The following EML6 variants were observed in gnomAD, a reference collection of about 807,000 sequenced individuals.
EML6 encodes EMAP like 6, also known as echinoderm microtubule-associated protein-like 6.
A neutral mutation model predicts 240.1 loss-of-function variants in EML6; 154 were observed. The observed-to-expected ratio is 0.64, with a 90% CI of 0.56 to 0.73. The LOEUF is 0.73. EML6 is among the 30% of genes least tolerant of loss of function. The pLI, the probability that EML6 is intolerant of heterozygous loss-of-function variation, is 0.00. For synonymous variants in EML6, 1,148 were observed against 899.0 expected (o/e 1.28, Z -4.95); for missense variants, 2,964 against 2,474.6 (o/e 1.20, Z -4.20).
chr2:54,894,037 A>G (rs1481958949), intron 19 of EML6, among the ~76,000 whole-genome samples: 1 of 152,152 alleles, frequency 6.6e-6, no homozygotes, highest in Non-Finnish European at 1.5e-5. Context: ...AATATATTGC[A>G]TTTTAATTTA....
intron 32 of EML6, among the ~76,000 whole-genome samples, chr2:54,954,605 T>A (rs1230466887): frequency 1.7e-5 from 2 of 114,882 alleles, no homozygotes; most frequent in African/African-American, 9.4e-5. Context: ...AACATTTAAA[T>A]TTTTTTTTTA....
chr2:54,761,949 C>T (rs575256919), intron 2 of EML6, among the ~76,000 whole-genome samples: 139 of 152,022 alleles, frequency 9.1e-4, no homozygotes, highest in Non-Finnish European at 1.2e-3. Flanking sequence ...TAAGGATAGT[C>T]ACTTGTATAA....
chr2:54,725,390 T>G lies in EML6; in HGVS notation c.197+132T>G, dbSNP rs768656103. ...TCTCTCTGGAGCCGCATGGAATTAC[T>G]GAAGGGCTGCTGATTCTAGGGCCAG... On this transcript the variant is annotated intron_variant, in intron 2 of 41. Transcript: ENST00000356458. This position sits in a 1 kb window ranked among gnomAD's most constrained non-coding sequence, Gnocchi z 4.3. 1.3e-5 allele frequency: 8 copies of G among 631,542 alleles called. No homozygotes were observed. Among genetic ancestry groups the G allele is most frequent in the Non-Finnish European group, 2.0e-5 (8 of 403,810 alleles). The allele number at this position is 631,542 out of a possible 1,614,324, so 39.1% of individuals were successfully genotyped here.
At chr2:54,829,319 G>C (rs1265919044) in intron 6 of EML6, 23 bp from the exon 7 acceptor site, 1 of 1,550,178 alleles carries the variant, frequency 6.5e-7, no homozygotes, top group Admixed American at 2.0e-5. Flanking sequence ...GCACCATTGA[G>C]TATTACCTGT....
At chr2:54,778,138 T>C (rs1668678791) in intron 2 of EML6, among the ~76,000 whole-genome samples, 1 of 152,224 alleles carries the variant, frequency 6.6e-6, no homozygotes, top group African/African-American at 2.4e-5. Context: ...TCCATTTATA[T>C]GTATCTGTGA....
At chr2:54,961,080 C>T (rs1455454456) in intron 35 of EML6, among the ~76,000 whole-genome samples, 1 of 151,338 alleles carries the variant, frequency 6.6e-6, no homozygotes, top group Non-Finnish European at 1.5e-5. Context: ...TGATTCAAAA[C>T]TGGGGATTTT....
At chr2:54,733,155 G>A (rs538935330) in intron 2 of EML6, among the ~76,000 whole-genome samples, 6 of 152,228 alleles carry the variant, frequency 3.9e-5, no homozygotes, top group African/African-American at 1.4e-4. Flanking sequence ...GGAGCAGCAG[G>A]CCAGCCTACC....
intron 2 of EML6, among the ~76,000 whole-genome samples, chr2:54,812,991 C>G (rs186004562): frequency 9.9e-5 from 15 of 152,258 alleles, no homozygotes; most frequent in Non-Finnish European, 4.4e-5. Context: ...CACAACAGCA[C>G]CTAATTTTCA....
At chr2:54,847,100 G>T (rs762789620) in intron 8 of EML6, among the ~76,000 whole-genome samples, 2 of 151,394 alleles carry the variant, frequency 1.3e-5, no homozygotes, top group African/African-American at 2.4e-5. Context: ...TAGAGTCTGT[G>T]TCTCATTATA....
intron 2 of EML6, among the ~76,000 whole-genome samples, chr2:54,740,710 C>CTTTTT (rs35968988): frequency 6.8e-6 from 1 of 147,918 alleles, no homozygotes. Flanking sequence ...GACTCTAGCT[C>CTTTTT]TTTTTTTTTT....
Position 54,968,714 on chromosome 2 carries a change from T to C in EML6, c.5798T>C (p.Ile1933Thr). 6.4e-7 allele frequency: 1 copy of C among 1,551,424 alleles called. No individual in the cohort carries two copies. Among genetic ancestry groups the C allele is most frequent in the Non-Finnish European group, 8.7e-7 (1 of 1,146,730 alleles). ...GGTCACTCGGCTCACGTGACGAACA[T>C]CCGTTTCTCTTATGATGACAAGTAT... ...YFGHSAHVTNIRFSYDDKYVV... is the reference protein window; with the variant it reads ...YFGHSAHVTNTRFSYDDKYVV... The change falls in exon 41 of 42, where the codon ATC becomes ACC. Residue 1933 changes from isoleucine to threonine, a missense_variant. Coordinates refer to ENST00000356458, the MANE Select transcript of EML6 (RefSeq NM_001039753.4).
chr2:54,887,903 C>G (rs564746815), intron 17 of EML6, among the ~76,000 whole-genome samples: 9 of 152,288 alleles, frequency 5.9e-5, no homozygotes, highest in African/African-American at 1.9e-4. Context: ...ATTCATGAAC[C>G]TACCTTGACA....
rs142016313 is a variant in EML6, at chr2:54,825,879, A to T, written c.526-1687A>T. 5.7e-4 allele frequency among the ~76,000 whole-genome samples: 87 copies of T among 152,266 alleles called. 1 individual carries two copies. The highest frequency in any genetic ancestry group is 1.9e-3 in the African/African-American group (80 of 41,548). On this transcript the variant is annotated intron_variant, in intron 5 of 41. Coordinates refer to ENST00000356458, the MANE Select transcript of EML6 (RefSeq NM_001039753.4). ...TCTCCTACAGGTGTAAAATAGTACA[A>T]TGTTACTGATTTACTCCCACATGCC...
intron 2 of EML6, among the ~76,000 whole-genome samples, chr2:54,779,865 G>GAAAAAAAAA (rs3036161): frequency 1.8e-5 from 2 of 113,152 alleles, no homozygotes; most frequent in African/African-American, 3.0e-5. Context: ...CAAAAAAAAA[G>GAAAAAAAAA]AAAAAAAAAA....
At chr2:54,769,032 A>G (rs949239366) in intron 2 of EML6, among the ~76,000 whole-genome samples, 4 of 152,228 alleles carry the variant, frequency 2.6e-5, no homozygotes, top group Non-Finnish European at 5.9e-5. Flanking sequence ...GGTAGTTAAG[A>G]ACCACACTAT....
intron 13 of EML6, among the ~76,000 whole-genome samples, 182 bp from the exon 14 acceptor site, chr2:54,866,584 T>G (rs1670981796): frequency 6.6e-6 from 1 of 152,232 alleles, no homozygotes; most frequent in South Asian, 2.1e-4. Flanking sequence ...AAATCCCAAT[T>G]ATTTAAAAAA....
At chr2:54,923,743 A>T (rs1233187933) in intron 26 of EML6, among the ~76,000 whole-genome samples, 1 of 152,192 alleles carries the variant, frequency 6.6e-6, no homozygotes, top group Non-Finnish European at 1.5e-5. Context: ...ATGAAGATAC[A>T]TACGCCATTG....
chr2:54,793,750 CG>C (rs1409263712), intron 2 of EML6, among the ~76,000 whole-genome samples: 3 of 152,126 alleles, frequency 2.0e-5, no homozygotes, highest in Non-Finnish European at 4.4e-5. Context: ...TTCCAGGAAG[CG>C]GGGCTGGTTT....
chr2:54,927,229 C>A (rs556455285), intron 26 of EML6, among the ~76,000 whole-genome samples: 2 of 152,348 alleles, frequency 1.3e-5, no homozygotes, highest in East Asian at 3.9e-4. Flanking sequence ...CAGTTCCGCT[C>A]TGCCATCAGC....
Sources: allele counts gnomAD v4.1 joint callset (sites outside exome capture counted in the v4.1 genomes callset), GRCh38; gene constraint gnomAD v4.1.1; non-coding constraint Gnocchi (gnomAD v3.1); transcripts MANE v1.5; gene names NCBI Gene and HGNC (gene_info 2026-07-23, HGNC 2026-07-21).